The following AFF3 variants were observed in gnomAD, a reference collection of about 807,000 sequenced individuals.
AFF3 encodes AF4/FMR2 family member 3.
In AFF3, 32 loss-of-function variants were observed where a neutral mutation model predicts 129.7. The ratio of observed to expected loss-of-function variants is 0.25; its 90% confidence interval spans 0.19 to 0.33. The LOEUF (loss-of-function observed/expected upper bound fraction) is 0.33, where lower values mean the gene tolerates loss of function less well. Ranked by LOEUF, AFF3 falls within the 10% of genes least tolerant of loss-of-function variation. The pLI is 1.00. For missense variants in AFF3, 1,373 were observed against 1,592.0 expected (o/e 0.86, Z 2.34); for synonymous variants, 644 against 635.4 (o/e 1.01, Z -0.20).
intron 4 of AFF3, among the ~76,000 whole-genome samples, chr2:100,036,099 C>G (rs1338901766): frequency 1.5e-5 from 1 of 67,450 alleles, no homozygotes; most frequent in Non-Finnish European, 3.0e-5. Flanking sequence ...TAATCAAAAC[C>G]AAAAATGTGT....
At chr2:99,591,979 C>T (rs530370688) in intron 15 of AFF3, among the ~76,000 whole-genome samples, 9 of 152,294 alleles carry the variant, frequency 5.9e-5, no homozygotes, top group African/African-American at 2.2e-4. Flanking sequence ...GACCTATATA[C>T]CTGTGAGCTG....
chr2:99,579,070 T>C (rs980513232), intron 17 of AFF3, among the ~76,000 whole-genome samples: 7 of 152,174 alleles, frequency 4.6e-5, no homozygotes, highest in Admixed American at 3.9e-4. Context: ...TGGCTGTCTG[T>C]GAAGACCAGA....
chr2:99,626,851 G>A (rs1003698270), intron 13 of AFF3, among the ~76,000 whole-genome samples: 4 of 152,122 alleles, frequency 2.6e-5, no homozygotes, highest in East Asian at 1.9e-4. Flanking sequence ...TCCTGTGTTC[G>A]TTTGCTAAGG....
chr2:99,854,247 C>CA (rs59998550), intron 7 of AFF3, among the ~76,000 whole-genome samples: 3,392 of 97,688 alleles, frequency 0.035, 44 homozygotes, highest in African/African-American at 0.04. Flanking sequence ...CTATCTATAG[C>CA]AAAAAAAAAA....
At chr2:99,703,645 C>CTTTT (rs35535652) in intron 11 of AFF3, among the ~76,000 whole-genome samples, 4 of 146,948 alleles carry the variant, frequency 2.7e-5, no homozygotes, top group Non-Finnish European at 3.0e-5. Flanking sequence ...TCATTTCTCT[C>CTTTT]TTTTTTTTTT....
chr2:99,841,336 T>C (rs1387134866), intron 7 of AFF3, among the ~76,000 whole-genome samples: 8 of 152,232 alleles, frequency 5.3e-5, no homozygotes, highest in African/African-American at 1.9e-4. Context: ...GTAGGATCTT[T>C]ACACTAAGTC....
At chr2:99,929,786 A>G (rs1188849790) in intron 7 of AFF3, among the ~76,000 whole-genome samples, 2 of 152,194 alleles carry the variant, frequency 1.3e-5, no homozygotes, top group Non-Finnish European at 2.9e-5. Context: ...TTAAAATGGC[A>G]TTTCTGAACA....
Position 99,551,273 on chromosome 2 carries a change from T to A in AFF3, c.*201A>T, listed in dbSNP as rs1384560376. The A allele has an allele frequency of 1.5e-6, 1 of 664,144 alleles. No individual in the cohort carries two copies. Among genetic ancestry groups the A allele is most frequent in the Non-Finnish European group, 2.5e-6 (1 of 397,028 alleles). 41.1% of individuals were successfully genotyped at this position (664,144 alleles called of 1,614,324 possible). On this transcript the variant is annotated 3_prime_UTR_variant, in exon 25 of 25. Transcript: ENST00000672756. ...AAGGTGTGTTCTGAAGAGCTGTGTA[T>A]CTTACACACATACACAGGCGGCTTC...
At chr2:99,757,051 A>T (rs553394197) in intron 8 of AFF3, among the ~76,000 whole-genome samples, 6 of 152,260 alleles carry the variant, frequency 3.9e-5, no homozygotes, top group African/African-American at 1.2e-4. Flanking sequence ...CTCCTGGCCC[A>T]GCTCCACTCT....
At chr2:99,729,492 G>A (rs910147135) in intron 10 of AFF3, among the ~76,000 whole-genome samples, 3 of 152,014 alleles carry the variant, frequency 2.0e-5, no homozygotes, top group Non-Finnish European at 4.4e-5. Flanking sequence ...TTGCCTTTCT[G>A]GGGGGAAAAG....
intron 7 of AFF3, among the ~76,000 whole-genome samples, chr2:99,946,873 T>G (rs919677803): frequency 6.6e-6 from 1 of 152,144 alleles, no homozygotes; most frequent in African/African-American, 2.4e-5. Flanking sequence ...TACAAACCAT[T>G]AAGGCAGTGA....
intron 4 of AFF3, among the ~76,000 whole-genome samples, chr2:100,029,295 T>C (rs1292877171): frequency 1.3e-5 from 2 of 151,900 alleles, no homozygotes; most frequent in South Asian, 2.1e-4. Flanking sequence ...GAGACAGACA[T>C]AGAGGGGCAA....
chr2:99,770,013 G>A (rs1372970598), intron 8 of AFF3, among the ~76,000 whole-genome samples: 1 of 152,200 alleles, frequency 6.6e-6, no homozygotes, highest in Non-Finnish European at 1.5e-5. Context: ...TTTGCTCAAG[G>A]CCCTAGGGCT....
chr2:99,691,635 A>T (rs1403671188), intron 11 of AFF3, among the ~76,000 whole-genome samples: 2 of 152,104 alleles, frequency 1.3e-5, no homozygotes, highest in African/African-American at 4.8e-5. Flanking sequence ...TGTTTTTGGC[A>T]CCGCAACCTT....
chr2:99,625,057 C>T (rs12712051), intron 13 of AFF3, among the ~76,000 whole-genome samples: 143,471 of 152,296 alleles, frequency 0.94, 67,748 homozygotes, highest in East Asian at 0.99. Flanking sequence ...TATTCTACTG[C>T]TTGGAAAGAG....
chr2:99,840,855 G>A (rs913968495), intron 7 of AFF3, among the ~76,000 whole-genome samples: 7 of 152,174 alleles, frequency 4.6e-5, no homozygotes, highest in South Asian at 2.1e-4. Context: ...TTCCTTTGGC[G>A]TTCATGGTGG....
chr2:99,724,267 C>CTTT (rs1553440069), intron 11 of AFF3, among the ~76,000 whole-genome samples: 2 of 27,008 alleles, frequency 7.4e-5, no homozygotes, highest in Non-Finnish European at 1.3e-4. Context: ...GTGGAATGAC[C>CTTT]TTTCTTTTTT....
intron 7 of AFF3, among the ~76,000 whole-genome samples, chr2:99,904,257 C>T (rs911248096): frequency 1.3e-5 from 2 of 152,126 alleles, no homozygotes; most frequent in African/African-American, 4.8e-5. Context: ...AAAACAGGGT[C>T]CACGCCCCTG....
intron 7 of AFF3, among the ~76,000 whole-genome samples, chr2:99,840,987 G>A (rs1420869852): frequency 1.3e-5 from 2 of 152,166 alleles, no homozygotes; most frequent in Non-Finnish European, 2.9e-5. Context: ...CAGGGCAAAT[G>A]CTGAATTCTC....
Sources: gnomAD v4.1 joint callset for allele counts (sites outside exome capture counted in the v4.1 genomes callset) on GRCh38, gnomAD v4.1.1 for gene constraint, MANE v1.5 for transcripts, NCBI Gene and HGNC (gene_info 2026-07-23, HGNC 2026-07-21) for gene names.